The following SH3BP4 variants were observed in gnomAD, a reference collection of about 807,000 sequenced individuals.
SH3BP4 encodes SH3 domain binding protein 4.
A neutral mutation model predicts 65.5 loss-of-function variants in SH3BP4; 33 were observed. The ratio of observed to expected loss-of-function variants is 0.50; its 90% CI spans 0.38 to 0.67. The LOEUF is 0.67. SH3BP4 is among the 30% of genes least tolerant of loss of function. The pLI is 0.00. For missense variants in SH3BP4, 1,134 were observed against 1,261.4 expected (o/e 0.90, Z 1.53); for synonymous variants, 552 against 545.5 (o/e 1.01, Z -0.17).
At chr2:235,038,717 C>G (rs2106330584) in intron 3 of SH3BP4, among the ~76,000 whole-genome samples, 1 of 152,042 alleles carries the variant, frequency 6.6e-6, no homozygotes, top group African/African-American at 2.4e-5. Context: ...ATAGGATGCT[C>G]TGTCCCCCAC....
chr2:234,998,715 C>T (rs1196346440), intron 2 of SH3BP4, among the ~76,000 whole-genome samples: 2 of 152,210 alleles, frequency 1.3e-5, no homozygotes, highest in African/African-American at 2.4e-5. Flanking sequence ...TGACCACACC[C>T]GTTGCCCCTG....
At chr2:234,979,097 C>T (rs2106254487) in intron 1 of SH3BP4, 1 of 152,212 alleles carries the variant, frequency 6.6e-6, no homozygotes, top group South Asian at 2.1e-4. Context: ...CTGTGGGGTG[C>T]TAAGGGAGCA....
At chr2:234,958,426 G>T (rs1289357355) in intron 1 of SH3BP4, among the ~76,000 whole-genome samples, 4 of 152,030 alleles carry the variant, frequency 2.6e-5, no homozygotes, top group African/African-American at 9.7e-5. Context: ...GCTCGCCCTG[G>T]GGGGGTGTCT....
intron 4 of SH3BP4, among the ~76,000 whole-genome samples, chr2:235,050,171 A>G (rs1696002757): frequency 6.6e-6 from 1 of 151,452 alleles, no homozygotes; most frequent in South Asian, 2.1e-4. Flanking sequence ...GCTGGAGTGC[A>G]GTGGCGCGAT....
At chr2:235,032,806 G>A (rs62186387) in intron 2 of SH3BP4, among the ~76,000 whole-genome samples, 54 of 152,200 alleles carry the variant, frequency 3.5e-4, no homozygotes, top group African/African-American at 1.1e-3. Flanking sequence ...CATGAGCACC[G>A]TCACTGCCAG....
intron 2 of SH3BP4, among the ~76,000 whole-genome samples, chr2:235,028,898 TC>T (rs1490762962): frequency 6.6e-6 from 1 of 150,884 alleles, no homozygotes; most frequent in African/African-American, 2.4e-5. Context: ...ACCAGAAGAG[TC>T]AAGTGGAGGA....
intron 3 of SH3BP4, among the ~76,000 whole-genome samples, chr2:235,036,232 A>G (rs1695374491): frequency 1.3e-5 from 2 of 152,250 alleles, no homozygotes; most frequent in Admixed American, 1.3e-4. Flanking sequence ...GTTCTTTAAA[A>G]GAAACGTCTA....
rs368629394 is a variant in SH3BP4 at position 234,991,007 on chromosome 2, T to C, written c.-206-4296T>C. Among the ~76,000 whole-genome samples the C allele has an allele frequency of 6.6e-6, 1 of 152,340 alleles. No homozygotes were observed. The highest frequency in any genetic ancestry group is 2.1e-4 in the South Asian group (1 of 4,828). On this transcript the variant is annotated intron_variant, in intron 1 of 5. Transcript: ENST00000392011. The surrounding 1 kb of genome is among the most constrained non-coding windows in gnomAD (Gnocchi z 4.2). Reference sequence around the variant, plus strand: ...ATAAAGTCACTGGGTCATATTGGACTGGGGCCCACCCTGGTAATCTCACTT... The same window carrying C: ...ATAAAGTCACTGGGTCATATTGGACCGGGGCCCACCCTGGTAATCTCACTT...
At chr2:234,959,904 G>A (rs112362069) in intron 1 of SH3BP4, among the ~76,000 whole-genome samples, 14,742 of 152,056 alleles carry the variant, frequency 0.097, 924 homozygotes, top group Non-Finnish European at 0.14. Flanking sequence ...TGCCCACCTC[G>A]GCCTCCCAAA....
rs1049872284 is a variant in SH3BP4 at position 234,974,712 on chromosome 2, C to T, written c.-206-20591C>T. ...GGGCGTTCACAAGCTCTCTTAGTTC[C>T]GAAAAATCGAGGGGTTCCTTGCCAG... On this transcript the variant is annotated intron_variant, in intron 1 of 5. Transcript: ENST00000392011. This position sits in a 1 kb window ranked among gnomAD's most constrained non-coding sequence, Gnocchi z 4.6. Among the ~76,000 whole-genome samples, 6 of 152,142 alleles carry T rather than the reference C, an allele frequency of 3.9e-5. No homozygotes were observed. The highest frequency in any genetic ancestry group is 1.9e-4 in the East Asian group (1 of 5,186).
chr2:235,012,621 C>T (rs1559243709), intron 2 of SH3BP4, among the ~76,000 whole-genome samples: 1 of 152,248 alleles, frequency 6.6e-6, no homozygotes, highest in Non-Finnish European at 1.5e-5. Context: ...CCTCCTTTCA[C>T]CTGCCTGGCC....
chr2:235,043,121 CT>C lies in SH3BP4; in HGVS notation c.2357del (p.Phe786SerfsTer17). On this transcript the variant is annotated frameshift_variant, in exon 4 of 6. Coordinates refer to ENST00000392011, the MANE Select transcript of SH3BP4 (RefSeq NM_014521.3). LOFTEE classifies it high-confidence loss of function. ...ALGYVNLPLTFFCRAELDSEP... is the reference protein window; with the variant it reads ...ALGYVNLPLTXFCRAELDSEP... The stretch of plus-strand genomic sequence containing the variant: ...TGGGCTACGTGAACCTGCCGCTCAC[CT>C]TTTTCTGCCGGGCAGAGCTGGATAG... 6.2e-7 allele frequency: 1 copy of C among 1,613,762 alleles called. No homozygotes were observed. Among genetic ancestry groups the C allele is most frequent in the Non-Finnish European group, 8.5e-7 (1 of 1,179,990 alleles).
rs1559263843 is a variant in SH3BP4, at chr2:235,054,738, G to T, written c.*922G>T. 2 of 152,190 alleles carry T rather than the reference G, an allele frequency of 1.3e-5. No homozygotes were observed. The highest frequency in any genetic ancestry group is 4.8e-5 in the African/African-American group (2 of 41,442). 9.4% of individuals were successfully genotyped at this position (152,190 alleles called of 1,614,324 possible). A position where few individuals can be genotyped will look rare whatever the true frequency, so the allele number is the denominator to read the frequency against. On this transcript the variant is annotated 3_prime_UTR_variant, in exon 6 of 6. Transcript: ENST00000392011. ...CATAGAGTTTGCTGCCTCTTCTGTG[G>T]ACAGGAAGAAAACTTCATGACCGAA... is the stretch of plus-strand genomic sequence containing the variant.
chr2:235,025,410 C>T lies in SH3BP4; in HGVS notation c.-132-9461C>T, dbSNP rs546002331. Among the ~76,000 whole-genome samples the T allele has an allele frequency of 7.2e-5, 11 of 152,290 alleles. No homozygotes were observed. In the Middle Eastern group the frequency reaches 0.014, roughly 188 times the overall value. ...TGGTTTCATGTGTGTGTCTTTCCAG[C>T]TTAATGATAAGCAGCCGAGGGAAGG... On this transcript the variant is annotated intron_variant, in intron 2 of 5. Transcript: ENST00000392011.
chr2:235,003,388 A>C (rs1343745258), intron 2 of SH3BP4, among the ~76,000 whole-genome samples: 2 of 152,250 alleles, frequency 1.3e-5, no homozygotes. Context: ...ACAGGAAAAA[A>C]GGGGATACTT....
At chr2:235,027,656 A>G (rs1308865038) in intron 2 of SH3BP4, among the ~76,000 whole-genome samples, 1 of 152,242 alleles carries the variant, frequency 6.6e-6, no homozygotes, top group Non-Finnish European at 1.5e-5. Flanking sequence ...AGAATGAGTC[A>G]TTCTAAACAG....
intron 2 of SH3BP4, among the ~76,000 whole-genome samples, chr2:235,020,400 G>C (rs1694817114): frequency 6.6e-6 from 1 of 152,122 alleles, no homozygotes; most frequent in South Asian, 2.1e-4. Flanking sequence ...AGGAGACAGG[G>C]GCAGGAGAAT....
At chr2:235,017,075 A>G (rs1289332112) in intron 2 of SH3BP4, among the ~76,000 whole-genome samples, 1 of 94,436 alleles carries the variant, frequency 1.1e-5, no homozygotes, top group South Asian at 3.0e-4. Flanking sequence ...TTTTTGGTAT[A>G]TAGCCTTCTC....
intron 2 of SH3BP4, among the ~76,000 whole-genome samples, chr2:235,020,587 G>A (rs75465079): frequency 0.035 from 5,265 of 152,230 alleles, 131 homozygotes; most frequent in Non-Finnish European, 0.051. Context: ...CATTCATGGC[G>A]ATGACAACAT....
Sources: allele counts gnomAD v4.1 joint callset (sites outside exome capture counted in the v4.1 genomes callset), GRCh38; gene constraint gnomAD v4.1.1; non-coding constraint Gnocchi (gnomAD v3.1); transcripts MANE v1.5; gene names NCBI Gene and HGNC (gene_info 2026-07-23, HGNC 2026-07-21).